Variants in LPP observed in about 807,000 individuals in gnomAD.
LPP encodes the protein LIM domain containing preferred translocation partner in lipoma.
Under a neutral mutation model 60.4 loss-of-function variants are expected in LPP, and 38 were observed. The ratio of observed to expected loss-of-function variants is 0.63; its 90% CI spans 0.49 to 0.83. The LOEUF is 0.83. Ranked by LOEUF, LPP falls within the 40% of genes least tolerant of loss-of-function variation. LPP has a pLI of 0.00. For missense variants in LPP, 902 were observed against 783.6 expected (o/e 1.15, Z -1.80); for synonymous variants, 328 against 290.8 (o/e 1.13, Z -1.30).
intron 9 of LPP, among the ~76,000 whole-genome samples, chr3:188,818,345 G>A (rs1230252527): frequency 1.3e-5 from 2 of 152,072 alleles, no homozygotes; most frequent in Non-Finnish European, 2.9e-5. Context: ...GTTTATTGAG[G>A]TTCAAGCTCT....
At chr3:188,781,741 A>T (rs574494815) in intron 9 of LPP, among the ~76,000 whole-genome samples, 1 of 151,626 alleles carries the variant, frequency 6.6e-6, no homozygotes, top group Non-Finnish European at 1.5e-5. Flanking sequence ...AATACAAAAA[A>T]ATTAGCCGGA....
At chr3:188,303,945 T>G (rs937577225) in intron 2 of LPP, among the ~76,000 whole-genome samples, 2 of 152,210 alleles carry the variant, frequency 1.3e-5, no homozygotes, top group Admixed American at 6.5e-5. Flanking sequence ...TAGTAATTGC[T>G]GGACCTATAA....
chr3:188,211,112 C>T (rs1734579326), intron 1 of LPP, among the ~76,000 whole-genome samples: 2 of 152,092 alleles, frequency 1.3e-5, no homozygotes, highest in Admixed American at 1.3e-4. Flanking sequence ...TTTGGATAGA[C>T]CAAGTAGAAG....
chr3:188,679,745 A>G (rs947422684), intron 7 of LPP, among the ~76,000 whole-genome samples: 1 of 152,048 alleles, frequency 6.6e-6, no homozygotes, highest in African/African-American at 2.4e-5. Flanking sequence ...TTGGATAAAA[A>G]CCTTATTAAA....
intron 8 of LPP, chr3:188,711,087 T>C (rs771424701): frequency 2.0e-5 from 3 of 152,232 alleles, no homozygotes; most frequent in African/African-American, 4.8e-5. Flanking sequence ...GCTTATAGTT[T>C]ATTTAAGACA....
At chr3:188,851,898 C>T (rs1484918380) in intron 9 of LPP, among the ~76,000 whole-genome samples, 1 of 152,210 alleles carries the variant, frequency 6.6e-6, no homozygotes, top group Non-Finnish European at 1.5e-5. Context: ...CGTGGTGGCT[C>T]ATGCCTTTAA....
At chr3:188,534,025 A>G (rs572543712) in intron 6 of LPP, among the ~76,000 whole-genome samples, 5 of 152,232 alleles carry the variant, frequency 3.3e-5, no homozygotes, top group Non-Finnish European at 7.3e-5. Flanking sequence ...ATTTAGCCTA[A>G]AAATCTACCT....
intron 6 of LPP, among the ~76,000 whole-genome samples, chr3:188,551,677 G>A (rs1159657): frequency 0.45 from 68,135 of 151,966 alleles, 16,372 homozygotes; most frequent in East Asian, 0.92. Context: ...GAGATGTACA[G>A]TTTGGTGTGT....
chr3:188,731,358 A>G lies in LPP; in HGVS notation c.1240+22965A>G, dbSNP rs535088032. Among the ~76,000 whole-genome samples, 6 of 152,268 alleles carry G rather than the reference A, an allele frequency of 3.9e-5. No homozygotes were observed. In the East Asian group the frequency reaches 7.7e-4, roughly 20 times the overall value. On this transcript the variant is annotated intron_variant, in intron 8 of 11. Coordinates refer to ENST00000617246, the MANE Select transcript of LPP (RefSeq NM_001375462.1). ...GTGGGAAAGATCATTCGGATTTAAC[A>G]ACCACATGAAGCTCCTGGATTATCT...
intron 1 of LPP, among the ~76,000 whole-genome samples, chr3:188,161,986 C>G (rs1228174103): frequency 6.6e-6 from 1 of 152,088 alleles, no homozygotes; most frequent in East Asian, 1.9e-4. Context: ...AGCTCCCTGC[C>G]CCTGCTCTCT....
intron 7 of LPP, among the ~76,000 whole-genome samples, chr3:188,679,768 T>G (rs938683292): frequency 6.6e-6 from 1 of 152,186 alleles, no homozygotes; most frequent in Non-Finnish European, 1.5e-5. Context: ...GCATGGCATA[T>G]TTTTCTTTTT....
intron 7 of LPP, among the ~76,000 whole-genome samples, chr3:188,633,888 C>A (rs905957867): frequency 1.3e-5 from 2 of 152,082 alleles, no homozygotes; most frequent in Non-Finnish European, 2.9e-5. Context: ...AATTTGAAGG[C>A]TTTTAACCTT....
intron 3 of LPP, among the ~76,000 whole-genome samples, chr3:188,349,073 T>C (rs373099529): frequency 6.6e-6 from 1 of 152,194 alleles, no homozygotes; most frequent in East Asian, 1.9e-4. Flanking sequence ...TAAACCACGA[T>C]GTCTCAGTCA....
At chr3:188,276,264 T>G (rs1739644051) in intron 2 of LPP, among the ~76,000 whole-genome samples, 1 of 152,180 alleles carries the variant, frequency 6.6e-6, no homozygotes, top group South Asian at 2.1e-4. Flanking sequence ...CTTCTGTGTC[T>G]CTTTGTTGTG....
At chr3:188,377,171 A>T (rs1031601741) in intron 3 of LPP, among the ~76,000 whole-genome samples, 1 of 152,098 alleles carries the variant, frequency 6.6e-6, no homozygotes, top group African/African-American at 2.4e-5. Flanking sequence ...GGTGAATCTG[A>T]CAAATATATG....
In LPP at chr3:188,718,833, T is replaced by A. The variant is rs569864826; in HGVS notation, c.1240+10440T>A. Reference sequence around the variant, plus strand: ...ATTTAAGATATATTTATTTAGCACCTTATAAAATCATAAAACGTTAGAGCT... The same window carrying A: ...ATTTAAGATATATTTATTTAGCACCATATAAAATCATAAAACGTTAGAGCT... On this transcript the variant is annotated intron_variant, in intron 8 of 11. Coordinates refer to ENST00000617246, the MANE Select transcript of LPP (RefSeq NM_001375462.1). Among the ~76,000 whole-genome samples the A allele has an allele frequency of 1.7e-3, 258 of 152,336 alleles. 1 individual carries two copies. The highest frequency in any genetic ancestry group is 3.4e-3 in the Non-Finnish European group (228 of 68,028).
intron 7 of LPP, among the ~76,000 whole-genome samples, chr3:188,672,881 T>C (rs955628558): frequency 6.6e-6 from 1 of 152,168 alleles, no homozygotes; most frequent in African/African-American, 2.4e-5. Context: ...CAATATAATA[T>C]ACGAATCACT....
intron 7 of LPP, among the ~76,000 whole-genome samples, chr3:188,687,362 C>A (rs1361788254): frequency 1.3e-5 from 2 of 152,180 alleles, no homozygotes; most frequent in Admixed American, 6.5e-5. Flanking sequence ...TTTGTCCCTA[C>A]CCAAACCTCA....
chr3:188,413,785 T>A (rs1193567984), intron 4 of LPP, among the ~76,000 whole-genome samples: 3 of 152,172 alleles, frequency 2.0e-5, no homozygotes, highest in Non-Finnish European at 2.9e-5. Context: ...CCTGGCTTGA[T>A]GGTCAGTGCA....
Sources: allele counts gnomAD v4.1 joint callset (sites outside exome capture counted in the v4.1 genomes callset), GRCh38; gene constraint gnomAD v4.1.1; transcripts MANE v1.5; gene names NCBI Gene and HGNC (gene_info 2026-07-23, HGNC 2026-07-21).